The following TCF12 variants were observed in gnomAD, a reference collection of about 807,000 sequenced individuals.
TCF12 encodes the protein DNA-binding protein HTF4.
A neutral mutation model predicts 86.0 loss-of-function variants in TCF12; 45 were observed. The observed-to-expected ratio is 0.52, with a 90% CI of 0.41 to 0.67. The LOEUF (loss-of-function observed/expected upper bound fraction) is 0.67. Ranked by LOEUF, TCF12 falls within the 30% of genes least tolerant of loss-of-function variation. The pLI is 0.00. For missense variants in TCF12, 881 were observed against 859.9 expected (o/e 1.02, Z -0.31); for synonymous variants, 330 against 299.6 (o/e 1.10, Z -1.05).
intron 3 of TCF12, among the ~76,000 whole-genome samples, 199 bp from the exon 4 acceptor site, chr15:57,063,551 T>C (rs1262216162): frequency 6.6e-6 from 1 of 152,174 alleles, no homozygotes; most frequent in Admixed American, 6.5e-5. Flanking sequence ...ACATAGGGTA[T>C]TGCATGAGGA....
Position 57,022,054 on chromosome 15 carries a change from T to TTATGTATG in TCF12, c.149-41676_149-41669dup, listed in dbSNP as rs529943161. 4.4e-3 allele frequency among the ~76,000 whole-genome samples: 671 copies of TTATGTATG among 152,110 alleles called. 3 individuals carry two copies. The highest frequency in any genetic ancestry group is 0.015 in the African/African-American group (628 of 41,404). The stretch of plus-strand genomic sequence containing the variant: ...TTGTCAGGCAGATCTTTTCTTTTTT[T>TTATGTATG]TATGTATGTATGTATGTATGTATGT... On this transcript the variant is annotated intron_variant, in intron 3 of 20. Coordinates refer to ENST00000333725, the MANE Select transcript of TCF12 (RefSeq NM_207037.2).
At chr15:56,960,450 G>A (rs1426270392) in intron 3 of TCF12, among the ~76,000 whole-genome samples, 1 of 133,282 alleles carries the variant, frequency 7.5e-6, no homozygotes, top group Non-Finnish European at 1.6e-5. Flanking sequence ...TTTTTTTTGA[G>A]ATGGAGTCTC....
chr15:57,125,758 A>C, intron 5 of TCF12, among the ~76,000 whole-genome samples: 1 of 152,208 alleles, frequency 6.6e-6, no homozygotes, highest in East Asian at 1.9e-4. Flanking sequence ...TTTTAAAATT[A>C]TTTTATAACC....
chr15:57,247,523 T>A (rs1356804311), intron 13 of TCF12: 1 of 881,618 alleles, frequency 1.1e-6, no homozygotes, highest in African/African-American at 1.6e-5. Flanking sequence ...TGTATCATGA[T>A]CATCAAAAGT....
chr15:57,012,704 A>G (rs759095071), intron 3 of TCF12, among the ~76,000 whole-genome samples: 1 of 152,158 alleles, frequency 6.6e-6, no homozygotes, highest in African/African-American at 2.4e-5. Flanking sequence ...CTAGGCCCTT[A>G]TATAGCTTTG....
At chr15:57,107,499 GT>G (rs1262272615) in intron 5 of TCF12, among the ~76,000 whole-genome samples, 1 of 152,134 alleles carries the variant, frequency 6.6e-6, no homozygotes, top group Non-Finnish European at 1.5e-5. Context: ...GTAGATATAT[GT>G]CATTATATGT....
At chr15:57,180,013 A>T (rs16977278) in intron 6 of TCF12, among the ~76,000 whole-genome samples, 44,871 of 152,048 alleles carry the variant, frequency 0.3, 8,147 homozygotes, top group African/African-American at 0.51. Context: ...ATCTAATGAG[A>T]TTCTCAGGAT....
chr15:57,006,230 T>C (rs1289337768), intron 3 of TCF12, among the ~76,000 whole-genome samples: 3 of 152,188 alleles, frequency 2.0e-5, no homozygotes, highest in Non-Finnish European at 4.4e-5. Context: ...TGAGATTAGA[T>C]AAGGTTTTTA....
At chr15:57,189,024 A>G (rs1160145400) in intron 6 of TCF12, among the ~76,000 whole-genome samples, 2 of 152,202 alleles carry the variant, frequency 1.3e-5, no homozygotes, top group African/African-American at 4.8e-5. Flanking sequence ...CCTGGGTTCA[A>G]GAGATCTTCC....
chr15:57,130,477 C>T (rs191497710), intron 5 of TCF12, among the ~76,000 whole-genome samples: 188 of 152,158 alleles, frequency 1.2e-3, no homozygotes, highest in Non-Finnish European at 2.5e-3. Context: ...AAGAGAAACC[C>T]CTACTCTTTT....
At chr15:57,136,671 C>A (rs146259369) in intron 5 of TCF12, among the ~76,000 whole-genome samples, 3 of 152,056 alleles carry the variant, frequency 2.0e-5, no homozygotes, top group African/African-American at 7.2e-5. Context: ...TCCTTCATTT[C>A]GTAATAGATG....
At chr15:56,970,251 G>A (rs1239344163) in intron 3 of TCF12, among the ~76,000 whole-genome samples, 1 of 152,056 alleles carries the variant, frequency 6.6e-6, no homozygotes, top group Non-Finnish European at 1.5e-5. Flanking sequence ...GGAAGCTGAG[G>A]TGGGTGGATC....
intron 4 of TCF12, among the ~76,000 whole-genome samples, chr15:57,081,565 C>A (rs2070660395): frequency 6.6e-6 from 1 of 152,040 alleles, no homozygotes; most frequent in African/African-American, 2.4e-5. Context: ...TTAGTTGGAG[C>A]CTCACTCTGT....
intron 3 of TCF12, among the ~76,000 whole-genome samples, chr15:56,990,986 G>A (rs1422490840): frequency 2.6e-5 from 4 of 151,828 alleles, no homozygotes; most frequent in African/African-American, 9.7e-5. Context: ...TGTAGAGATG[G>A]GGTCTCACCA....
intron 12 of TCF12, among the ~76,000 whole-genome samples, chr15:57,242,709 T>C (rs1193166413): frequency 6.6e-6 from 1 of 152,200 alleles, no homozygotes; most frequent in Non-Finnish European, 1.5e-5. Flanking sequence ...CTTGAATTAA[T>C]CTCTGTCACC....
intron 13 of TCF12, chr15:57,247,726 CTT>C: frequency 1.4e-6 from 1 of 733,898 alleles, no homozygotes; most frequent in Non-Finnish European, 2.5e-6. Context: ...AAAGAGCTCT[CTT>C]TGGTTCCACT....
At chr15:57,087,427 A>AT (rs1555501925) in intron 4 of TCF12, among the ~76,000 whole-genome samples, 3 of 136,582 alleles carry the variant, frequency 2.2e-5, no homozygotes, top group East Asian at 2.0e-4. Flanking sequence ...AAAAAAAAAA[A>AT]TTTATATATA....
intron 3 of TCF12, among the ~76,000 whole-genome samples, chr15:56,925,843 A>G (rs559115922): frequency 3.9e-5 from 6 of 152,372 alleles, no homozygotes; most frequent in Admixed American, 2.0e-4. Flanking sequence ...AGGGAAGATA[A>G]TGAGAAGACA....
intron 12 of TCF12, among the ~76,000 whole-genome samples, chr15:57,239,581 AG>A (rs2059526288): frequency 6.6e-6 from 1 of 150,862 alleles, no homozygotes; most frequent in African/African-American, 2.4e-5. Context: ...ATGGAAAGAG[AG>A]GGGAGTAACT....
Sources: gnomAD v4.1 joint callset for allele counts (sites outside exome capture counted in the v4.1 genomes callset) on GRCh38, gnomAD v4.1.1 for gene constraint, MANE v1.5 for transcripts, NCBI Gene and HGNC (gene_info 2026-07-23, HGNC 2026-07-21) for gene names.